The following NOL4 variants were observed in gnomAD, a reference collection of about 807,000 sequenced individuals.
NOL4 encodes the protein nucleolar protein 4, also known as cancer/testis antigen 125.
NOL4 carries 17 observed loss-of-function variants against 75.9 expected under a neutral mutation model. That is an observed-to-expected ratio of 0.22 (90% CI 0.15 to 0.34). The LOEUF (loss-of-function observed/expected upper bound fraction) is 0.34. NOL4 is among the 10% of genes least tolerant of loss of function. The pLI, the probability that NOL4 is intolerant of heterozygous loss-of-function variation, is 1.00. For synonymous variants in NOL4, 292 were observed against 289.9 expected, an observed-to-expected ratio of 1.01 and a Z score of -0.07; for missense variants, 614 against 793.5, an observed-to-expected ratio of 0.77 and a Z score of 2.72.
At chr18:33,926,418 T>C (rs1453874143) in intron 9 of NOL4, among the ~76,000 whole-genome samples, 1 of 151,348 alleles carries the variant, frequency 6.6e-6, no homozygotes, top group East Asian at 1.9e-4. Context: ...TCTACTGTAT[T>C]TGTTATTTAA....
intron 6 of NOL4, among the ~76,000 whole-genome samples, chr18:33,979,417 T>G (rs2071763717): frequency 6.6e-6 from 1 of 152,094 alleles, no homozygotes; most frequent in Non-Finnish European, 1.5e-5. Flanking sequence ...TTAAATTTTC[T>G]GACTATTTTT....
At chr18:34,222,590 G>A (rs1456351427) in intron 1 of NOL4, 2 of 468,084 alleles carry the variant, frequency 4.3e-6, no homozygotes, top group Non-Finnish European at 5.6e-6. Context: ...GCGTGCGGCC[G>A]GGCTTCCAGC....
chr18:34,141,538 C>A (rs1394429759), intron 1 of NOL4, among the ~76,000 whole-genome samples: 1 of 152,186 alleles, frequency 6.6e-6, no homozygotes, highest in African/African-American at 2.4e-5. Flanking sequence ...CACACATCTA[C>A]AACCATCTGA....
chr18:33,892,605 T>G (rs1453604790), intron 9 of NOL4, among the ~76,000 whole-genome samples: 1 of 151,324 alleles, frequency 6.6e-6, no homozygotes, highest in Non-Finnish European at 1.5e-5. Context: ...GAAATACATT[T>G]TATTCACCAT....
At chr18:33,946,023 A>G (rs931303463) in intron 8 of NOL4, among the ~76,000 whole-genome samples, 6 of 151,774 alleles carry the variant, frequency 4.0e-5, no homozygotes, top group African/African-American at 1.4e-4. Context: ...CATTAATAAA[A>G]CAAAAAATTC....
chr18:34,150,113 A>G (rs1441459931), intron 1 of NOL4, among the ~76,000 whole-genome samples: 1 of 151,664 alleles, frequency 6.6e-6, no homozygotes, highest in African/African-American at 2.4e-5. Context: ...TGTTTAATTT[A>G]TGATTAATTG....
intron 1 of NOL4, among the ~76,000 whole-genome samples, chr18:34,209,183 G>A (rs2036334197): frequency 8.0e-6 from 1 of 125,430 alleles, no homozygotes; most frequent in Non-Finnish European, 1.6e-5. Context: ...GGCAGAGTGA[G>A]ACTCTGTCTC....
chr18:33,879,210 G>A (rs954440811), intron 10 of NOL4, among the ~76,000 whole-genome samples: 10 of 151,920 alleles, frequency 6.6e-5, no homozygotes, highest in Non-Finnish European at 1.0e-4. Flanking sequence ...GAATATTCTC[G>A]CTTTTATTCC....
intron 1 of NOL4, among the ~76,000 whole-genome samples, chr18:34,214,995 TCAC>T: frequency 6.6e-6 from 1 of 152,166 alleles, no homozygotes; most frequent in East Asian, 1.9e-4. Context: ...AAATGGCACT[TCAC>T]CAAGTGATGG....
intron 10 of NOL4, among the ~76,000 whole-genome samples, chr18:33,865,256 G>A (rs2063376653): frequency 6.6e-6 from 1 of 151,980 alleles, no homozygotes; most frequent in Non-Finnish European, 1.5e-5. Context: ...TATATTAAAT[G>A]GCACAGTATT....
intron 9 of NOL4, among the ~76,000 whole-genome samples, chr18:33,895,647 T>C (rs2065351537): frequency 6.6e-6 from 1 of 151,994 alleles, no homozygotes; most frequent in South Asian, 2.1e-4. Flanking sequence ...CATATTACAT[T>C]TTTGGAATAA....
At chr18:33,940,171 A>G (rs10083917) in intron 9 of NOL4, among the ~76,000 whole-genome samples, 68,829 of 151,850 alleles carry the variant, frequency 0.45, 16,392 homozygotes, top group East Asian at 0.92. Flanking sequence ...AGAACCAGAA[A>G]TACCATTTGA....
intron 6 of NOL4, among the ~76,000 whole-genome samples, chr18:34,005,880 G>C (rs138407304): frequency 1.6e-3 from 238 of 152,116 alleles, no homozygotes; most frequent in African/African-American, 5.3e-3. Flanking sequence ...CTTGCTGCCT[G>C]CTGCTTTTGT....
chr18:33,947,101 C>T (rs904758802), intron 8 of NOL4, among the ~76,000 whole-genome samples: 3 of 151,754 alleles, frequency 2.0e-5, no homozygotes, highest in Non-Finnish European at 4.4e-5. Context: ...AAAAAAATTT[C>T]TCTATAATTT....
At chr18:33,952,848 C>A (rs751420168) in intron 8 of NOL4, among the ~76,000 whole-genome samples, 1 of 152,108 alleles carries the variant, frequency 6.6e-6, no homozygotes, top group Non-Finnish European at 1.5e-5. Context: ...GGCTTGAAAC[C>A]GGGAGGTGGA....
chr18:34,152,779 G>A (rs913365644), intron 1 of NOL4, among the ~76,000 whole-genome samples: 1 of 151,704 alleles, frequency 6.6e-6, no homozygotes, highest in African/African-American at 2.4e-5. Context: ...TTTTCTTCTG[G>A]CAAACACACC....
chr18:34,151,602 T>G (rs1001053381), intron 1 of NOL4, among the ~76,000 whole-genome samples: 1 of 151,852 alleles, frequency 6.6e-6, no homozygotes, highest in Non-Finnish European at 1.5e-5. Flanking sequence ...GCAGTGAAAC[T>G]ATTCTGTATG....
At chr18:34,157,910 C>T (rs1185039499) in intron 1 of NOL4, among the ~76,000 whole-genome samples, 3 of 152,090 alleles carry the variant, frequency 2.0e-5, no homozygotes, top group African/African-American at 7.2e-5. Flanking sequence ...ATAGCTTTAC[C>T]TAGGGCTTGC....
intron 5 of NOL4, among the ~76,000 whole-genome samples, chr18:34,054,433 T>G (rs1194548399): frequency 6.6e-6 from 1 of 151,968 alleles, no homozygotes; most frequent in African/African-American, 2.4e-5. Context: ...CTTGGCAAAT[T>G]GGCCCTTTTA....
Sources: allele counts gnomAD v4.1 joint callset (sites outside exome capture counted in the v4.1 genomes callset), GRCh38; gene constraint gnomAD v4.1.1; transcripts MANE v1.5; gene names NCBI Gene and HGNC (gene_info 2026-07-23, HGNC 2026-07-21).